The following THTPA variants were observed in gnomAD, a reference collection of about 807,000 sequenced individuals.
The protein encoded by THTPA is thiamine-triphosphatase.
In THTPA, 16 loss-of-function variants were observed where a neutral mutation model predicts 16.5. The observed-to-expected ratio is 0.97, with a 90% CI of 0.66 to 1.47. THTPA has a LOEUF of 1.47. Ranked by LOEUF, THTPA falls within the 40% of genes most tolerant of loss-of-function variation. The probability of loss-of-function intolerance (pLI) is 0.00; values close to 1 mark genes in which losing one functional copy is unlikely to be tolerated. For missense variants in THTPA, 281 were observed against 280.9 expected (o/e 1.00, Z 0.00); for synonymous variants, 110 against 115.5 (o/e 0.95, Z 0.30).
chr14:23,526,805 C>T, the THTPA span: 1 of 1,523,388 alleles, frequency 6.6e-7, no homozygotes, highest in East Asian at 2.5e-5. Context: ...CATGGAGTCC[C>T]CTTTCCTGGT....
At chr14:23,545,134 C>T in the THTPA span, among the ~76,000 whole-genome samples, 1 of 152,132 alleles carries the variant, frequency 6.6e-6, no homozygotes, top group Non-Finnish European at 1.5e-5. Flanking sequence ...CCTCCCCTCC[C>T]CCACATTGCC....
At chr14:23,547,986 C>G in the THTPA span, among the ~76,000 whole-genome samples, 1 of 152,186 alleles carries the variant, frequency 6.6e-6, no homozygotes, top group Non-Finnish European at 1.5e-5. Flanking sequence ...CAGCCAAATT[C>G]CACTGTGCCC....
At chr14:23,533,765 CT>C in the THTPA span, 1 of 1,558,246 alleles carries the variant, frequency 6.4e-7, no homozygotes, top group Non-Finnish European at 8.6e-7. This position sits in a 1 kb window ranked among gnomAD's most constrained non-coding sequence, Gnocchi z 4.8. Flanking sequence ...CTGAGGTTGC[CT>C]TTGGTGGTTG....
At chr14:23,525,904 G>A in the THTPA span, 2 of 1,467,954 alleles carry the variant, frequency 1.4e-6, no homozygotes, top group East Asian at 2.5e-5. This position sits in a 1 kb window ranked among gnomAD's most constrained non-coding sequence, Gnocchi z 5.9. Context: ...GAGGGAAGGG[G>A]GGCAGGACTG....
the THTPA span, chr14:23,533,725 G>A: frequency 1.3e-6 from 2 of 1,551,134 alleles, no homozygotes. This position sits in a 1 kb window ranked among gnomAD's most constrained non-coding sequence, Gnocchi z 4.8. Flanking sequence ...CTGTAGGTTG[G>A]CCAGGTGCTT....
the THTPA span, among the ~76,000 whole-genome samples, chr14:23,545,250 G>A: frequency 6.6e-6 from 1 of 152,152 alleles, no homozygotes; most frequent in Non-Finnish European, 1.5e-5. Context: ...TCCCATAAGG[G>A]TCAAAGCCAG....
chr14:23,533,648 C>T, the THTPA span: 3 of 1,536,956 alleles, frequency 2.0e-6, no homozygotes, highest in Non-Finnish European at 8.7e-7. This position sits in a 1 kb window ranked among gnomAD's most constrained non-coding sequence, Gnocchi z 4.8. Context: ...GGCTCTTTGT[C>T]TCCCGCGGAG....
At chr14:23,518,366 A>G in the THTPA span, among the ~76,000 whole-genome samples, 1 of 152,232 alleles carries the variant, frequency 6.6e-6, no homozygotes, top group Non-Finnish European at 1.5e-5. This position sits in a 1 kb window ranked among gnomAD's most constrained non-coding sequence, Gnocchi z 4.5. Context: ...GCCTGGAATA[A>G]AAGGCTTGCT....
chr14:23,524,872 C>T, the THTPA span: 3 of 1,536,442 alleles, frequency 2.0e-6, no homozygotes, highest in Admixed American at 2.0e-5. The surrounding 1 kb of genome is among the most constrained non-coding windows in gnomAD (Gnocchi z 5.6). Context: ...CATAGCACTT[C>T]TTGAGGTGGC....
the THTPA span, chr14:23,531,495 T>C: frequency 7.0e-7 from 1 of 1,426,720 alleles, no homozygotes; most frequent in Non-Finnish European, 9.2e-7. Context: ...AGTCCGGAGC[T>C]GCCCGTGGCT....
the THTPA span, among the ~76,000 whole-genome samples, chr14:23,516,933 T>C: frequency 6.6e-6 from 1 of 152,090 alleles, no homozygotes; most frequent in South Asian, 2.1e-4. Flanking sequence ...GTCTTAGCCA[T>C]TGTTTGTGTA....
the THTPA span, among the ~76,000 whole-genome samples, chr14:23,520,194 C>G: frequency 6.6e-6 from 1 of 152,164 alleles, no homozygotes; most frequent in Non-Finnish European, 1.5e-5. The surrounding 1 kb of genome is among the most constrained non-coding windows in gnomAD (Gnocchi z 8.7). Context: ...CACCCCATCC[C>G]CTCAATTCGT....
chr14:23,557,288 G>C lies in THTPA; in HGVS notation c.531G>C (p.Arg177Ser). Residue 177 changes from arginine (R) to serine (S), a missense_variant, in exon 1 of 2, where the codon AGG (arginine) becomes AGC (serine). Arg to Ser is a moderately radical substitution (Grantham distance 110). Coordinates refer to ENST00000288014, the MANE Select transcript of THTPA (RefSeq NM_024328.6). Reference sequence around the variant, plus strand: ...CAACTGCCCTAGAGAAGATCCACAGGCTCAGCAGCATGCTTGGTGAGGGAG... The same window carrying C: ...CAACTGCCCTAGAGAAGATCCACAGCCTCAGCAGCATGCTTGGTGAGGGAG... ...EVPTALEKIH[R>S]LSSMLGVPAQ... is the part of the protein sequence containing the mutation. 6.3e-7 allele frequency: 1 copy of C among 1,599,084 alleles called. No homozygotes were observed. The highest frequency in any genetic ancestry group is 8.5e-7 in the Non-Finnish European group (1 of 1,175,172).
chr14:23,524,055 C>T, the THTPA span: 2 of 1,515,884 alleles, frequency 1.3e-6, no homozygotes, highest in Non-Finnish European at 1.8e-6. The surrounding 1 kb of genome is among the most constrained non-coding windows in gnomAD (Gnocchi z 5.6). Context: ...AAAGCAGGTG[C>T]TTCCCTCTTT....
the THTPA span, chr14:23,530,130 T>C: frequency 6.5e-7 from 1 of 1,536,066 alleles, no homozygotes; most frequent in African/African-American, 1.4e-5. Flanking sequence ...CCAATTGTTC[T>C]GTCTTGTTCT....
At chr14:23,525,253 A>G in the THTPA span, 1 of 1,536,050 alleles carries the variant, frequency 6.5e-7, no homozygotes, top group South Asian at 1.2e-5. This position sits in a 1 kb window ranked among gnomAD's most constrained non-coding sequence, Gnocchi z 5.9. Context: ...CTTCAGGGGC[A>G]CGGGTCCCCC....
chr14:23,531,837 G>A, the THTPA span: 3 of 1,223,102 alleles, frequency 2.5e-6, no homozygotes, highest in South Asian at 7.4e-5. Flanking sequence ...GAGTGCAGTG[G>A]CATGATCTCT....
chr14:23,549,223 C>T, the THTPA span, among the ~76,000 whole-genome samples: 1 of 152,126 alleles, frequency 6.6e-6, no homozygotes, highest in East Asian at 1.9e-4. Context: ...TGGTTCCTCC[C>T]CTGCCCCCGA....
chr14:23,534,197 C>A, the THTPA span: 1 of 1,484,578 alleles, frequency 6.7e-7, no homozygotes, highest in South Asian at 1.3e-5. The surrounding 1 kb of genome is among the most constrained non-coding windows in gnomAD (Gnocchi z 4.5). Context: ...TCTTGCCCCT[C>A]AGGGAACCAA....
Sources: gnomAD v4.1 joint callset for allele counts (sites outside exome capture counted in the v4.1 genomes callset) on GRCh38, gnomAD v4.1.1 for gene constraint, Gnocchi (gnomAD v3.1) non-coding constraint, MANE v1.5 for transcripts, NCBI Gene and HGNC (gene_info 2026-07-23, HGNC 2026-07-21) for gene names.